The following APOL1 variants were observed in gnomAD, a reference collection of about 807,000 sequenced individuals.
APOL1 encodes apolipoprotein L 1.
Under a neutral mutation model 14.9 loss-of-function variants are expected in APOL1, and 17 were observed. The ratio of observed to expected loss-of-function variants is 1.14; its 90% CI spans 0.78 to 1.71. APOL1 has a LOEUF of 1.71. Among genes scored for constraint, APOL1 ranks in the 40% most tolerant of loss-of-function variants. The pLI, the probability that APOL1 is intolerant of heterozygous loss-of-function variation, is 0.00. For missense variants in APOL1, 523 were observed against 485.9 expected (o/e 1.08, Z -0.72); for synonymous variants, 195 against 184.8 (o/e 1.05, Z -0.45).
chr22:36,259,457 A>G (rs912768219), intron 4 of APOL1, among the ~76,000 whole-genome samples: 7 of 152,134 alleles, frequency 4.6e-5, no homozygotes, highest in Non-Finnish European at 7.3e-5. Context: ...CTCCCCTTAC[A>G]GAGTTGCCAC....
chr22:36,265,566 GT>G lies in APOL1; in HGVS notation c.731del (p.Val244AlafsTer8). On this transcript the variant is annotated frameshift_variant, in exon 6 of 6. Coordinates refer to ENST00000397278, the MANE Select transcript of APOL1 (RefSeq NM_003661.4). LOFTEE classifies it low-confidence loss of function (END_TRUNC). ...WWTQAQAHDL[V>X]IKSLDKLKEV... The stretch of plus-strand genomic sequence containing the variant: ...GACACAAGCCCAAGCCCACGACCTG[GT>G]CATCAAAAGCCTTGACAAATTGAAG... The G allele has an allele frequency of 1.9e-6, 3 of 1,601,420 alleles. No homozygotes were observed. Among genetic ancestry groups the G allele is most frequent in the Non-Finnish European group, 2.6e-6 (3 of 1,173,774 alleles).
At chr22:36,258,462 T>G (rs1862996510) in intron 4 of APOL1, among the ~76,000 whole-genome samples, 1 of 152,210 alleles carries the variant, frequency 6.6e-6, no homozygotes, top group African/African-American at 2.4e-5. Flanking sequence ...CTGTTTGGGT[T>G]TACCTTGTTG....
intron 4 of APOL1, chr22:36,259,904 T>C (rs559130776): frequency 1.5e-6 from 2 of 1,299,856 alleles, no homozygotes; most frequent in East Asian, 1.1e-4. Flanking sequence ...TTTTAAACTT[T>C]AAATAGCCCC....
rs564536305 is a variant in APOL1 at position 36,261,818 on chromosome 22, C to A, written c.314+96C>A. ...CCCTGACAGGCACACCTCCTCCAGGCAGCCCCCTCTGCTGGGCTTGAGGAT... is the reference window on the plus strand; with the variant it reads ...CCCTGACAGGCACACCTCCTCCAGGAAGCCCCCTCTGCTGGGCTTGAGGAT... On this transcript the variant is annotated intron_variant, in intron 5 of 5. Coordinates refer to ENST00000397278, the MANE Select transcript of APOL1 (RefSeq NM_003661.4). The A allele has an allele frequency of 2.8e-6, 4 of 1,450,960 alleles. No individual in the cohort carries two copies. In the African/African-American group the frequency reaches 4.2e-5, roughly 15 times the overall value. The allele number at this position is 1,450,960 out of a possible 1,614,324, so 89.9% of individuals were successfully genotyped here. A position where few individuals can be genotyped will look rare whatever the true frequency, so the allele number is the denominator to read the frequency against.
At chr22:36,264,919 C>G (rs558933659) in intron 5 of APOL1, among the ~76,000 whole-genome samples, 2 of 148,134 alleles carry the variant, frequency 1.4e-5, no homozygotes, top group Non-Finnish European at 3.0e-5. Context: ...TCAAGCAATT[C>G]TCCTGCCTCA....
intron 1 of APOL1, chr22:36,254,017 C>T (rs2015775556): frequency 1.2e-6 from 2 of 1,612,856 alleles, no homozygotes; most frequent in South Asian, 2.2e-5. Flanking sequence ...GGAGTGAGAG[C>T]TTAGATCTCT....
At chr22:36,258,649 C>A (rs184413160) in intron 4 of APOL1, among the ~76,000 whole-genome samples, 1 of 152,080 alleles carries the variant, frequency 6.6e-6, no homozygotes, top group African/African-American at 2.4e-5. Context: ...GGAGTGCAGG[C>A]GGACTCAGAA....
In APOL1 at chr22:36,265,894, T is replaced by G. The variant is rs143845266; in HGVS notation, c.1058T>G (p.Val353Gly). 2.5e-6 allele frequency: 4 copies of G among 1,614,166 alleles called. No homozygotes were observed. The highest frequency in any genetic ancestry group is 3.4e-6 in the Non-Finnish European group (4 of 1,180,032). Residue 353 changes from valine to glycine, a missense_variant, in exon 6 of 6, where the codon GTG becomes GGG. Coordinates refer to ENST00000397278, the MANE Select transcript of APOL1 (RefSeq NM_003661.4). Reference protein sequence around the residue: ...FFLVLDVVYLVYESKHLHEGA... With the variant: ...FFLVLDVVYLGYESKHLHEGA... ...CTTGTGCTGGATGTAGTCTACCTCG[T>G]GTACGAATCAAAGCACTTACATGAG...
At chr22:36,261,307 T>TA (rs1315268721) in intron 4 of APOL1, among the ~76,000 whole-genome samples, 1 of 152,188 alleles carries the variant, frequency 6.6e-6, no homozygotes, top group Admixed American at 6.5e-5. Context: ...TTTCTGTTCT[T>TA]ACAATAGGAC....
intron 2 of APOL1, 122 bp downstream of exon 2, chr22:36,255,121 C>A: frequency 8.4e-7 from 1 of 1,197,506 alleles, no homozygotes; most frequent in East Asian, 2.4e-5. Context: ...AGTCACTTCC[C>A]GGAATTGACC....
intron 4 of APOL1, among the ~76,000 whole-genome samples, chr22:36,259,072 C>T (rs1417923722): frequency 6.6e-6 from 1 of 152,178 alleles, no homozygotes; most frequent in East Asian, 1.9e-4. Context: ...CCAGTATCCA[C>T]ATCTCAGCAT....
At chr22:36,255,705 G>A (rs1461630821) in intron 2 of APOL1, among the ~76,000 whole-genome samples, 1 of 150,816 alleles carries the variant, frequency 6.6e-6, no homozygotes, top group Non-Finnish European at 1.5e-5. Context: ...GAACCACTGA[G>A]CTGTTAAAAT....
At chr22:36,261,138 G>T (rs1483065654) in intron 4 of APOL1, among the ~76,000 whole-genome samples, 3 of 152,172 alleles carry the variant, frequency 2.0e-5, no homozygotes, top group African/African-American at 7.2e-5. Flanking sequence ...AATATCACAG[G>T]CTGGGTGACT....
rs199608929 is a variant in APOL1 at position 36,265,227 on chromosome 22, G to C, written c.391G>C (p.Asp131His). 1.9e-6 allele frequency: 3 copies of C among 1,614,154 alleles called. No homozygotes were observed. The highest frequency in any genetic ancestry group is 2.5e-6 in the Non-Finnish European group (3 of 1,180,028). The stretch of plus-strand genomic sequence containing the variant: ...GATCATGAAAGACAAAAACTGGCAC[G>C]ATAAAGGCCAGCAGTACAGAAACTG... ...QMIMKDKNWH[D>H]KGQQYRNWFL... The change falls in exon 6 of 6, where the codon GAT becomes CAT. Residue 131 changes from aspartate to histidine, a missense_variant. Asp to His is a moderately conservative substitution (Grantham distance 81). Transcript: ENST00000397278.
chr22:36,257,179 AC>A, intron 3 of APOL1, 43 bp downstream of exon 3: 1 of 1,613,528 alleles, frequency 6.2e-7, no homozygotes. Flanking sequence ...TCAGTGATAG[AC>A]AAACAATCTG....
At position 36,261,741 on chromosome 22, in the gene APOL1, C is replaced by A. The variant is rs746693537; in HGVS notation, c.314+19C>A. Reference sequence around the variant, plus strand: ...TGCCCAGGTAAGCTCCATGGGGTTACCTCCATTGGGCACTCCGGCGATGCC... The same window carrying A: ...TGCCCAGGTAAGCTCCATGGGGTTAACTCCATTGGGCACTCCGGCGATGCC... On this transcript the variant is annotated intron_variant, in intron 5 of 5. Coordinates refer to ENST00000397278, the MANE Select transcript of APOL1 (RefSeq NM_003661.4). 11 of 1,609,690 alleles carry A rather than the reference C, an allele frequency of 6.8e-6. No homozygotes were observed. Among genetic ancestry groups the A allele is most frequent in the African/African-American group, 2.7e-5 (2 of 74,834 alleles).
chr22:36,253,574 G>C (rs986310307), intron 1 of APOL1, among the ~76,000 whole-genome samples: 2 of 152,256 alleles, frequency 1.3e-5, no homozygotes, highest in African/African-American at 2.4e-5. Flanking sequence ...ATCCCAGCCT[G>C]TTCTTATGGC....
In APOL1 at chr22:36,265,368, G is replaced by A. The variant is rs1159742436; in HGVS notation, c.532G>A (p.Val178Met). The A allele has an allele frequency of 6.2e-7, 1 of 1,612,378 alleles. No homozygotes were observed. Among genetic ancestry groups the A allele is most frequent in the African/African-American group, 1.3e-5 (1 of 74,986 alleles). ...CAAAGGCACCACCATCGCCAATGTG[G>A]TGTCTGGCTCTCTCAGCATTTCCTC... ...VHKGTTIANV[V>M]SGSLSISSGI... Residue 178 changes from valine (V) to methionine (M), a missense_variant, in exon 6 of 6, where the codon GTG (valine) becomes ATG (methionine). Transcript: ENST00000397278.
At chr22:36,261,764 G>A in intron 5 of APOL1, 42 bp downstream of exon 5, 1 of 1,590,912 alleles carries the variant, frequency 6.3e-7, no homozygotes, top group Non-Finnish European at 8.6e-7. Context: ...CTCCGGCGAT[G>A]CCACCCAGCT....
Sources: allele counts gnomAD v4.1 joint callset (sites outside exome capture counted in the v4.1 genomes callset), GRCh38; gene constraint gnomAD v4.1.1; transcripts MANE v1.5; gene names NCBI Gene and HGNC (gene_info 2026-07-23, HGNC 2026-07-21).